ASIC2: variants seen among roughly 807,000 people sequenced by gnomAD.
The protein encoded by ASIC2 is acid sensing ion channel subunit 2.
Under a neutral mutation model 57.3 loss-of-function variants are expected in ASIC2, and 25 were observed. That is an observed-to-expected ratio of 0.44 (90% confidence interval 0.32 to 0.61). The LOEUF (loss-of-function observed/expected upper bound fraction) is 0.61, where lower values mean the gene tolerates loss of function less well. ASIC2 is among the 20% of genes least tolerant of loss of function. The pLI, the probability that ASIC2 is intolerant of heterozygous loss-of-function variation, is 0.06. For synonymous variants in ASIC2, 319 were observed against 307.5 expected, an observed-to-expected ratio of 1.04 and a Z score of -0.39; for missense variants, 641 against 738.1, an observed-to-expected ratio of 0.87 and a Z score of 1.52.
rs181467342 is a variant in ASIC2, at chr17:33,607,146, G to A, written c.556-495079C>T. Among the ~76,000 whole-genome samples the A allele has an allele frequency of 1.6e-3, 239 of 152,222 alleles. 5 individuals are homozygous for A. The highest frequency in any genetic ancestry group is 4.9e-4 in the Non-Finnish European group (33 of 68,018). On this transcript the variant is annotated intron_variant, in intron 1 of 9. Transcript: ENST00000359872. ...CATTAATTAGGATCACAGGACCCAG[G>A]GGCATGGAACAGCCTGAGCATGTTT...
intron 3 of ASIC2, among the ~76,000 whole-genome samples, chr17:33,080,177 G>A (rs938291707): frequency 2.0e-5 from 3 of 152,082 alleles, no homozygotes; most frequent in Non-Finnish European, 4.4e-5. Flanking sequence ...GGGAAGAATT[G>A]CTTATGAAGG....
At chr17:33,495,719 A>G (rs1256440617) in intron 1 of ASIC2, among the ~76,000 whole-genome samples, 3 of 152,194 alleles carry the variant, frequency 2.0e-5, no homozygotes, top group African/African-American at 7.2e-5. Flanking sequence ...TGGGGGAGAC[A>G]CCACTAAGTA....
chr17:33,090,609 G>T (rs372950308), intron 2 of ASIC2, among the ~76,000 whole-genome samples: 1 of 152,156 alleles, frequency 6.6e-6, no homozygotes, highest in Non-Finnish European at 1.5e-5. Context: ...GGGATGGAGA[G>T]GGGGAGGACA....
At chr17:33,464,525 T>TC (rs1912774077) in intron 1 of ASIC2, among the ~76,000 whole-genome samples, 4 of 35,240 alleles carry the variant, frequency 1.1e-4, no homozygotes, top group African/African-American at 4.6e-4. Flanking sequence ...TCTTTCTTTC[T>TC]TTCTTTCTTT....
intron 1 of ASIC2, among the ~76,000 whole-genome samples, chr17:33,836,518 T>C (rs1913279941): frequency 6.6e-6 from 1 of 152,118 alleles, no homozygotes; most frequent in African/African-American, 2.4e-5. Flanking sequence ...AATACTATTA[T>C]TATCCCCATT....
At chr17:33,360,665 C>A (rs1908564114) in intron 1 of ASIC2, among the ~76,000 whole-genome samples, 1 of 152,188 alleles carries the variant, frequency 6.6e-6, no homozygotes, top group African/African-American at 2.4e-5. Context: ...TTAGCCTTGG[C>A]CATTTCACAA....
intron 1 of ASIC2, among the ~76,000 whole-genome samples, chr17:34,127,299 C>T (rs1911816145): frequency 6.6e-6 from 1 of 152,182 alleles, no homozygotes; most frequent in Non-Finnish European, 1.5e-5. Flanking sequence ...CTGCCTTGCC[C>T]AGTCTGTCTC....
At chr17:33,436,319 A>G (rs1911605345) in intron 1 of ASIC2, among the ~76,000 whole-genome samples, 1 of 152,232 alleles carries the variant, frequency 6.6e-6, no homozygotes, top group African/African-American at 2.4e-5. Flanking sequence ...TAGTTTCTAT[A>G]AACTCTTGCT....
chr17:33,829,809 C>T (rs1026780872), intron 1 of ASIC2, among the ~76,000 whole-genome samples: 3 of 152,090 alleles, frequency 2.0e-5, no homozygotes, highest in Admixed American at 2.0e-4. Context: ...ATAACCCACC[C>T]GCCTGGGCCT....
intron 1 of ASIC2, among the ~76,000 whole-genome samples, chr17:33,508,047 C>T (rs1356745482): frequency 6.6e-6 from 1 of 152,072 alleles, no homozygotes; most frequent in Non-Finnish European, 1.5e-5. Context: ...ACTTATTCCC[C>T]TCCTCTACCT....
At chr17:33,585,517 G>A (rs975795157) in intron 1 of ASIC2, among the ~76,000 whole-genome samples, 1 of 152,214 alleles carries the variant, frequency 6.6e-6, no homozygotes, top group Non-Finnish European at 1.5e-5. Flanking sequence ...CCCACCCAGA[G>A]TGGAGAAAGG....
intron 1 of ASIC2, among the ~76,000 whole-genome samples, chr17:33,251,356 G>T (rs1417019546): frequency 1.3e-5 from 2 of 152,088 alleles, no homozygotes; most frequent in African/African-American, 2.4e-5. Context: ...TTGAGACAGG[G>T]TCTTGTACTG....
chr17:33,562,734 A>C (rs538280362), intron 1 of ASIC2, among the ~76,000 whole-genome samples: 223 of 152,248 alleles, frequency 1.5e-3, no homozygotes, highest in African/African-American at 5.0e-3. Flanking sequence ...CAGAGGGTTG[A>C]TATGTGAGGC....
chr17:33,597,361 G>T (rs1217828809), intron 1 of ASIC2, among the ~76,000 whole-genome samples: 2 of 152,126 alleles, frequency 1.3e-5, no homozygotes, highest in Non-Finnish European at 2.9e-5. Flanking sequence ...TTCTCTTAGG[G>T]CCTCAAAGGC....
At chr17:33,151,456 T>C (rs1904796406) in intron 1 of ASIC2, among the ~76,000 whole-genome samples, 1 of 81,610 alleles carries the variant, frequency 1.2e-5, no homozygotes, top group African/African-American at 8.0e-5. Context: ...CCTTAGAAAG[T>C]TCTCTTGTGG....
chr17:33,088,742 C>T (rs2092145631), intron 3 of ASIC2, 121 bp downstream of exon 3: 1 of 1,356,898 alleles, frequency 7.4e-7, no homozygotes, highest in Non-Finnish European at 9.6e-7. Flanking sequence ...TAGCCAACAT[C>T]TTTCTCTAGT....
At chr17:34,020,725 C>T (rs1318568983) in intron 1 of ASIC2, among the ~76,000 whole-genome samples, 2 of 152,052 alleles carry the variant, frequency 1.3e-5, no homozygotes, top group South Asian at 4.2e-4. Context: ...TGGCCAACAA[C>T]CTAAAGGAGC....
At chr17:33,909,153 T>A (rs1186687128) in intron 1 of ASIC2, among the ~76,000 whole-genome samples, 2 of 152,170 alleles carry the variant, frequency 1.3e-5, no homozygotes, top group Non-Finnish European at 2.9e-5. Context: ...CAGAGGCATC[T>A]CCATACCTCA....
chr17:33,625,129 G>GTCTGTCTGTCTATCTATCTA (rs1555548113), intron 1 of ASIC2, among the ~76,000 whole-genome samples: 12 of 146,442 alleles, frequency 8.2e-5, no homozygotes, highest in South Asian at 2.4e-4. Flanking sequence ...TGGCCTCTCT[G>GTCTGTCTGTCTATCTATCTA]TCTATCTATC....
Sources: gnomAD v4.1 joint callset for allele counts (sites outside exome capture counted in the v4.1 genomes callset) on GRCh38, gnomAD v4.1.1 for gene constraint, MANE v1.5 for transcripts, NCBI Gene and HGNC (gene_info 2026-07-23, HGNC 2026-07-21) for gene names.